RPL13: variants seen among roughly 807,000 people sequenced by gnomAD.
RPL13 encodes the protein large ribosomal subunit protein eL13.
In RPL13, 1 loss-of-function variant was observed where a neutral mutation model predicts 21.4. That is an observed-to-expected ratio of 0.05 (90% CI 0.02 to 0.22). RPL13 has a LOEUF of 0.22. Ranked by LOEUF, RPL13 falls within the 10% of genes least tolerant of loss-of-function variation. RPL13 has a pLI of 1.00. For synonymous variants in RPL13, 143 were observed against 120.5 expected, an observed-to-expected ratio of 1.19 and a Z score of -1.23; for missense variants, 289 against 303.0, an observed-to-expected ratio of 0.95 and a Z score of 0.34.
intron 5 of RPL13, 143 bp downstream of exon 5, chr16:89,562,534 TTTC>T (rs1361308787): frequency 8.3e-6 from 6 of 722,148 alleles, no homozygotes; most frequent in Middle Eastern, 4.8e-4. Context: ...GAAAGGAACA[TTTC>T]TTCTTAGTTT....
chr16:89,561,805 T>A, intron 4 of RPL13, 54 bp downstream of exon 4: 1 of 1,580,390 alleles, frequency 6.3e-7, no homozygotes, highest in Non-Finnish European at 8.6e-7. Context: ...GAGGCTTGGC[T>A]CCTTTATCAG....
chr16:89,562,746 CAG>C lies in RPL13; in HGVS notation c.478-137_478-136del. On this transcript the variant is annotated intron_variant, in intron 5 of 5. Transcript: ENST00000311528. ...TAAATCCCAGGGAAGGTGATTGACT[CAG>C]GGTTGCTTTTCAGCAGTACTTATGG... The C allele has an allele frequency of 3.8e-6, 3 of 799,344 alleles. No individual in the cohort carries two copies. The Admixed American group carries it at 1.0e-4, about 27-fold the overall frequency. 49.5% of individuals were successfully genotyped at this position (799,344 alleles called of 1,614,324 possible). A position where few individuals can be genotyped will look rare whatever the true frequency, so the allele number is the denominator to read the frequency against.
chr16:89,566,213 G>A (rs921282824), downstream of RPL13: 2 of 151,716 alleles, frequency 1.3e-5, no homozygotes, highest in African/African-American at 4.8e-5. Context: ...GAACTGATCG[G>A]GGATAGTCTC....
intron 1 of RPL13, 50 bp from the exon 2 acceptor site, chr16:89,560,890 G>C (rs973197052): frequency 2.5e-5 from 35 of 1,412,540 alleles, no homozygotes; most frequent in African/African-American, 2.2e-4. Flanking sequence ...GCCCGGGGGG[G>C]TGCGCGCGCC....
Position 89,561,079 on chromosome 16 carries a change from G to C in RPL13, c.104+16G>C, listed in dbSNP as rs771029382. On this transcript the variant is annotated intron_variant, in intron 2 of 5. Coordinates refer to ENST00000311528, the MANE Select transcript of RPL13 (RefSeq NM_000977.4). ...AGATCCGCAGGTGAGCCCTGCGCTCGGGGCTGCCCCTGGGGCTCGTGCCCG... is the reference window on the plus strand; with the variant it reads ...AGATCCGCAGGTGAGCCCTGCGCTCCGGGCTGCCCCTGGGGCTCGTGCCCG... 1 of 1,594,798 alleles carries C rather than the reference G, an allele frequency of 6.3e-7. No homozygotes were observed. The highest frequency in any genetic ancestry group is 1.1e-5 in the South Asian group (1 of 88,542).
chr16:89,561,996 G>C (rs1261366660), intron 4 of RPL13: 1 of 591,982 alleles, frequency 1.7e-6, no homozygotes. Context: ...AAAATGCTTC[G>C]TATTCCAAAA....
At position 89,564,101 on chromosome 16, in the gene RPL13, CCT is replaced by C. The variant is rs778328285; in HGVS notation, c.*1060_*1061del. The C allele has an allele frequency of 8.5e-5, 13 of 152,460 alleles. No individual in the cohort carries two copies. Among genetic ancestry groups the C allele is most frequent in the African/African-American group, 2.6e-4 (11 of 41,584 alleles). The allele number at this position is 152,460 out of a possible 1,614,324, so 9.4% of individuals were successfully genotyped here. On this transcript the variant is annotated 3_prime_UTR_variant, in exon 6 of 6. Coordinates refer to ENST00000311528, the MANE Select transcript of RPL13 (RefSeq NM_000977.4). ...ACCAGCTCACAGCAGCACCTGCTCT[CCT>C]TGGCAGCTATGGCCATGACAACCCC... is the stretch of plus-strand genomic sequence containing the variant.
rs547887398 is a variant in RPL13 at position 89,560,887 on chromosome 16, G to A, written c.-20-53G>A. On this transcript the variant is annotated intron_variant, in intron 1 of 5. Transcript: ENST00000311528. ...GGAGGGTTCGGGGCGGAGGCCCGGG[G>A]GGGTGCGCGCGCCCGGGGTCCGGCC... The A allele has an allele frequency of 2.5e-4, 339 of 1,377,330 alleles. 3 individuals are homozygous for A. In the South Asian group the frequency reaches 4.2e-3, roughly 17 times the overall value. The allele number at this position is 1,377,330 out of a possible 1,614,324, so 85.3% of individuals were successfully genotyped here.
In RPL13 at chr16:89,562,892, G is replaced by A; in HGVS notation, c.486G>A (p.Lys162=). The change falls in exon 6 of 6, where the codon AAG becomes AAA. Residue 162 remains lysine, a synonymous_variant. Transcript: ENST00000311528. ...CTGTCTTTCTCTTCTAGGTCTATAA[G>A]AAGGAGAAAGCTCGAGTCATCACTG... ...GPVMPVRNVY[K]KEKARVITEE... 6.4e-7 allele frequency: 1 copy of A among 1,573,934 alleles called. No homozygotes were observed. The highest frequency in any genetic ancestry group is 1.2e-5 in the South Asian group (1 of 85,366).
intron 5 of RPL13, 144 bp from the exon 6 acceptor site, chr16:89,562,740 T>C (rs2152414835): frequency 5.3e-6 from 4 of 760,174 alleles, no homozygotes; most frequent in Admixed American, 7.1e-5. Flanking sequence ...GGGAAGGTGA[T>C]TGACTCAGGG....
At chr16:89,562,140 C>A in intron 4 of RPL13, 195 bp from the exon 5 acceptor site, 1 of 628,758 alleles carries the variant, frequency 1.6e-6, no homozygotes. Flanking sequence ...GTGCGTGTTG[C>A]GTCAACTCAG....
In RPL13 at chr16:89,561,765, T is replaced by C; in HGVS notation, c.420+14T>C. The C allele has an allele frequency of 1.2e-6, 2 of 1,608,084 alleles. No homozygotes were observed. Among genetic ancestry groups the C allele is most frequent in the Non-Finnish European group, 1.7e-6 (2 of 1,175,560 alleles). On this transcript the variant is annotated intron_variant, in intron 4 of 5. Transcript: ENST00000311528. ...GGAGACAGTTCTGTGAGTACACGGC[T>C]CTCTGGCCGTCCTGGTGCGCGGGGA...
intron 5 of RPL13, 26 bp from the exon 6 acceptor site, chr16:89,562,858 T>G (rs892450303): frequency 6.6e-7 from 1 of 1,509,748 alleles, no homozygotes; most frequent in African/African-American, 1.4e-5. Flanking sequence ...TGCATGTGGG[T>G]TTAACAACCT....
chr16:89,561,513 T>A, intron 3 of RPL13, 65 bp from the exon 4 acceptor site: 1 of 1,612,630 alleles, frequency 6.2e-7, no homozygotes, highest in Non-Finnish European at 8.5e-7. Flanking sequence ...CTGAGGCTTT[T>A]CATCCAGGCC....
Position 89,562,314 on chromosome 16 carries a change from ACT to A in RPL13, c.421-18_421-17del. The A allele has an allele frequency of 6.2e-7, 1 of 1,613,018 alleles. No individual in the cohort carries two copies. Among genetic ancestry groups the A allele is most frequent in the Non-Finnish European group, 8.5e-7 (1 of 1,179,874 alleles). On this transcript the variant is annotated intron_variant, in intron 4 of 5. Transcript: ENST00000311528. ...GCAGCAGTGCGGCCAACCCCACTTA[ACT>A]CTTCTCATTCACCAACAGGCTGAAG...
chr16:89,561,345 G>T lies in RPL13; in HGVS notation c.223G>T (p.Gly75Cys). Residue 75 changes from glycine (G) to cysteine (C), a missense_variant, in exon 3 of 6, where the codon GGC (glycine) becomes TGC (cysteine). By Grantham distance (159) the Gly-to-Cys change is radical. Transcript: ENST00000311528. ...RYHTKVRAGR[G>C]FSLEELRVAG... is the part of the protein sequence containing the mutation. Reference sequence around the variant, plus strand: ...CCACACGAAGGTGCGCGCCGGCCGCGGCTTCAGCCTGGAGGAGCTCAGGGT... The same window carrying T: ...CCACACGAAGGTGCGCGCCGGCCGCTGCTTCAGCCTGGAGGAGCTCAGGGT... 6.2e-7 allele frequency: 1 copy of T among 1,604,278 alleles called. No homozygotes were observed.
Position 89,562,383 on chromosome 16 carries a change from G to A in RPL13, c.469G>A (p.Val157Ile), listed in dbSNP as rs781576247. ...ATQLTGPVMP[V>I]RNVYKKEKAR... ...CCAGCTGACCGGACCGGTCATGCCC[G>A]TCCGGAACGTAAGTGAACACTTACT... The change falls in exon 5 of 6, where the codon GTC becomes ATC. Residue 157 changes from valine to isoleucine, a missense_variant. Val to Ile is a conservative substitution (Grantham distance 29, BLOSUM62 3). Transcript: ENST00000311528. 5.2e-5 allele frequency: 83 copies of A among 1,611,454 alleles called. No individual in the cohort carries two copies. The highest frequency in any genetic ancestry group is 6.7e-5 in the African/African-American group (5 of 74,770).
At position 89,562,778 on chromosome 16, in the gene RPL13, G is replaced by A. The variant is rs948639784; in HGVS notation, c.478-106G>A. Reference sequence around the variant, plus strand: ...GCTTTTCAGCAGTACTTATGGCAGCGAACCTGACCCCCAATCCCCGGGAGG... The same window carrying A: ...GCTTTTCAGCAGTACTTATGGCAGCAAACCTGACCCCCAATCCCCGGGAGG... On this transcript the variant is annotated intron_variant, in intron 5 of 5. Transcript: ENST00000311528. 124 of 1,232,586 alleles carry A rather than the reference G, an allele frequency of 1.0e-4. No individual in the cohort carries two copies. In the South Asian group the frequency reaches 1.2e-3, roughly 12 times the overall value. The allele number at this position is 1,232,586 out of a possible 1,614,324, so 76.4% of individuals were successfully genotyped here.
chr16:89,566,517 G>C (rs936227255), downstream of RPL13: 1 of 152,118 alleles, frequency 6.6e-6, no homozygotes, highest in Non-Finnish European at 1.5e-5. Context: ...TATCATGCAG[G>C]GCTGGGTGAG....
Sources: gnomAD v4.1 joint callset for allele counts on GRCh38, gnomAD v4.1.1 for gene constraint, MANE v1.5 for transcripts, NCBI Gene and HGNC (gene_info 2026-07-23, HGNC 2026-07-21) for gene names.